GRK3: variants seen among roughly 807,000 people sequenced by gnomAD.
GRK3 encodes adrenergic, beta, receptor kinase 2.
A neutral mutation model predicts 95.7 loss-of-function variants in GRK3; 54 were observed. The ratio of observed to expected loss-of-function variants is 0.56; its 90% CI spans 0.45 to 0.71. GRK3 has a LOEUF of 0.71. GRK3 is among the 30% of genes least tolerant of loss of function. GRK3 has a pLI of 0.00. For synonymous variants in GRK3, 281 were observed against 290.8 expected (o/e 0.97, Z 0.34); for missense variants, 649 against 851.2 (o/e 0.76, Z 2.96).
intron 3 of GRK3, among the ~76,000 whole-genome samples, chr22:25,647,020 CAAAAAAAAAAA>C (rs1025786169): frequency 1.5e-4 from 8 of 54,018 alleles, no homozygotes; most frequent in African/African-American, 4.5e-4. Flanking sequence ...GACTTTGTCT[CAAAAAAAAAAA>C]AAAAAAAAAA....
intron 2 of GRK3, among the ~76,000 whole-genome samples, chr22:25,623,962 G>A (rs954051167): frequency 1.3e-5 from 2 of 152,210 alleles, no homozygotes; most frequent in East Asian, 3.9e-4. Flanking sequence ...TCAGGATCAG[G>A]CACTTCCAAT....
At chr22:25,633,924 T>C (rs558612879) in intron 2 of GRK3, among the ~76,000 whole-genome samples, 23 of 152,308 alleles carry the variant, frequency 1.5e-4, no homozygotes, top group African/African-American at 5.5e-4. Context: ...ATCTGCTCTT[T>C]GGATAATTTA....
At chr22:25,607,440 A>T (rs1163469289) in intron 2 of GRK3, among the ~76,000 whole-genome samples, 1 of 151,898 alleles carries the variant, frequency 6.6e-6, no homozygotes, top group Non-Finnish European at 1.5e-5. Context: ...TGTAATCTAG[A>T]CCAGTTCCCC....
At chr22:25,596,416 A>G (rs1287141067) in intron 1 of GRK3, among the ~76,000 whole-genome samples, 1 of 152,236 alleles carries the variant, frequency 6.6e-6, no homozygotes, top group Non-Finnish European at 1.5e-5. Context: ...GAAAAGTGAG[A>G]GATGAAGAAC....
chr22:25,580,595 A>G (rs1932064044), intron 1 of GRK3: 1 of 152,264 alleles, frequency 6.6e-6, no homozygotes, highest in African/African-American at 2.4e-5. Context: ...GTGCAACGGC[A>G]CAATCTCGGC....
chr22:25,624,604 A>G (rs1051369236), intron 2 of GRK3, among the ~76,000 whole-genome samples: 5 of 152,082 alleles, frequency 3.3e-5, no homozygotes, highest in African/African-American at 1.2e-4. Context: ...ATTTCTGACT[A>G]TGAATAATCT....
At chr22:25,651,986 G>A (rs932935027) in intron 3 of GRK3, among the ~76,000 whole-genome samples, 3 of 152,060 alleles carry the variant, frequency 2.0e-5, no homozygotes, top group African/African-American at 7.2e-5. Flanking sequence ...TTTTTATAAA[G>A]TATTATAATA....
chr22:25,695,616 C>T (rs1331960583), intron 13 of GRK3, among the ~76,000 whole-genome samples: 1 of 151,860 alleles, frequency 6.6e-6, no homozygotes, highest in Admixed American at 6.6e-5. Flanking sequence ...TTGAGAGTTA[C>T]AAAAAAAGGA....
chr22:25,716,592 A>G (rs1427501321), intron 18 of GRK3, among the ~76,000 whole-genome samples: 3 of 152,190 alleles, frequency 2.0e-5, no homozygotes, highest in Non-Finnish European at 4.4e-5. Flanking sequence ...CCTTTATAGA[A>G]AAATATAGTC....
intron 13 of GRK3, among the ~76,000 whole-genome samples, chr22:25,698,930 G>C (rs2085233675): frequency 6.6e-6 from 1 of 152,136 alleles, no homozygotes; most frequent in African/African-American, 2.4e-5. Flanking sequence ...TTTATAGATG[G>C]TTGGATATGG....
Position 25,697,762 on chromosome 22 carries a change from A to G in GRK3, c.1160+2548A>G, listed in dbSNP as rs2085221057. ...ACCCAGTGAAGGAGGGTTCTGCCTC[A>G]TGGATAGCAGGCTCCTTGTCACTGT... On this transcript the variant is annotated intron_variant, in intron 13 of 20. Coordinates refer to ENST00000324198, the MANE Select transcript of GRK3 (RefSeq NM_005160.4). 2.0e-5 allele frequency among the ~76,000 whole-genome samples: 3 copies of G among 152,364 alleles called. No individual in the cohort carries two copies. The South Asian group carries it at 6.2e-4, about 32-fold the overall frequency.
chr22:25,582,200 C>G (rs1932123936), intron 1 of GRK3, among the ~76,000 whole-genome samples: 5 of 151,906 alleles, frequency 3.3e-5, no homozygotes, highest in Admixed American at 2.0e-4. Flanking sequence ...TCACTTAAAC[C>G]CAGGTAGCGG....
intron 19 of GRK3, among the ~76,000 whole-genome samples, chr22:25,719,171 A>C (rs925611163): frequency 6.6e-6 from 1 of 151,494 alleles, no homozygotes; most frequent in South Asian, 2.1e-4. Context: ...TAATTTTTGC[A>C]TGTTTATCTG....
intron 3 of GRK3, among the ~76,000 whole-genome samples, chr22:25,656,294 C>T (rs2084870498): frequency 6.6e-6 from 1 of 151,912 alleles, no homozygotes; most frequent in Non-Finnish European, 1.5e-5. Flanking sequence ...TAGATTTTTT[C>T]ACTGATTCAA....
At chr22:25,681,952 G>A (rs184382322) in intron 9 of GRK3, among the ~76,000 whole-genome samples, 8 of 152,240 alleles carry the variant, frequency 5.3e-5, no homozygotes, top group Admixed American at 3.3e-4. Context: ...ATATTGGTCA[G>A]TATTCGGTTG....
intron 1 of GRK3, among the ~76,000 whole-genome samples, chr22:25,581,583 C>A (rs1290044972): frequency 2.0e-5 from 3 of 152,048 alleles, no homozygotes; most frequent in African/African-American, 7.2e-5. Context: ...AGAGTCCCGA[C>A]TAATCCAACC....
At chr22:25,708,072 C>G (rs1170591275) in intron 15 of GRK3, among the ~76,000 whole-genome samples, 1 of 152,012 alleles carries the variant, frequency 6.6e-6, no homozygotes, top group African/African-American at 2.4e-5. Flanking sequence ...CCCATCTCTA[C>G]TAAATATACA....
chr22:25,656,987 A>G (rs2084876372), intron 3 of GRK3, among the ~76,000 whole-genome samples: 1 of 152,170 alleles, frequency 6.6e-6, no homozygotes. Context: ...AGCCCCTAAC[A>G]TGGTAGGAAA....
intron 1 of GRK3, among the ~76,000 whole-genome samples, chr22:25,597,017 G>A (rs968861503): frequency 2.6e-5 from 4 of 151,984 alleles, no homozygotes; most frequent in African/African-American, 9.7e-5. Flanking sequence ...CTCCCTGTAG[G>A]CAGCCACTCA....
Sources: gnomAD v4.1 joint callset for allele counts (sites outside exome capture counted in the v4.1 genomes callset) on GRCh38, gnomAD v4.1.1 for gene constraint, MANE v1.5 for transcripts, NCBI Gene and HGNC (gene_info 2026-07-23, HGNC 2026-07-21) for gene names.